BASP1: variants seen among roughly 807,000 people sequenced by gnomAD.
BASP1 encodes the protein brain abundant membrane attached signal protein 1.
Under a neutral mutation model 2.2 loss-of-function variants are expected in BASP1, and 1 was observed. The observed-to-expected ratio is 0.46, with a 90% CI of 0.16 to 2.17. The LOEUF is 2.17. Ranked by LOEUF, BASP1 falls within the 30% of genes most tolerant of loss-of-function variation. The pLI, the probability that BASP1 is intolerant of heterozygous loss-of-function variation, is 0.27. For missense variants in BASP1, 352 were observed against 327.2 expected (o/e 1.08, Z -0.58); for synonymous variants, 187 against 154.2 (o/e 1.21, Z -1.58).
At chr5:17,249,285 A>C (rs554372506) in intron 1 of BASP1, among the ~76,000 whole-genome samples, 1 of 152,242 alleles carries the variant, frequency 6.6e-6, no homozygotes, top group Admixed American at 6.5e-5. Context: ...TTCATCCAGA[A>C]GCAAATTTGG....
At chr5:17,235,442 T>G (rs1192630032) in intron 1 of BASP1, among the ~76,000 whole-genome samples, 1 of 151,950 alleles carries the variant, frequency 6.6e-6, no homozygotes, top group South Asian at 2.1e-4. Context: ...TTTTGTATTT[T>G]TAGTAGAGAC....
At chr5:17,270,618 A>G (rs975091868) in intron 1 of BASP1, among the ~76,000 whole-genome samples, 9 of 152,240 alleles carry the variant, frequency 5.9e-5, no homozygotes, top group African/African-American at 2.2e-4. Flanking sequence ...AAAAGATGTT[A>G]AATGTTCTTT....
At position 17,242,848 on chromosome 5, in the gene BASP1, TA is replaced by T. The variant is rs77385290; in HGVS notation, c.-10+25051del. Reference sequence around the variant, plus strand: ...TAGGAAAAAAAAAGTCAACTCAGTTTAAAAAAAAAAAAAGGTAATCGTAAGC... The same window carrying T: ...TAGGAAAAAAAAAGTCAACTCAGTTTAAAAAAAAAAAAGGTAATCGTAAGC... On this transcript the variant is annotated intron_variant, in intron 1 of 1. Coordinates refer to ENST00000322611, the MANE Select transcript of BASP1 (RefSeq NM_006317.5). Among the ~76,000 whole-genome samples, 1,351 of 143,058 alleles carry T rather than the reference TA, an allele frequency of 9.4e-3. 10 individuals are homozygous for T. The highest frequency in any genetic ancestry group is 0.057 in the East Asian group (286 of 4,978). The allele number at this position is 143,058 out of a possible 152,430, so 93.9% of individuals were successfully genotyped here. A position where few individuals can be genotyped will look rare whatever the true frequency, so the allele number is the denominator to read the frequency against.
intron 1 of BASP1, among the ~76,000 whole-genome samples, chr5:17,261,836 C>G (rs1461250688): frequency 6.6e-6 from 1 of 152,302 alleles, no homozygotes; most frequent in Non-Finnish European, 1.5e-5. Context: ...ACGTTTCTGC[C>G]GTTACCAACA....
intron 1 of BASP1, among the ~76,000 whole-genome samples, chr5:17,232,781 C>T (rs1019757190): frequency 6.6e-6 from 1 of 152,080 alleles, no homozygotes; most frequent in Admixed American, 6.6e-5. Flanking sequence ...ATTTACTCCC[C>T]CTCCTCTTCC....
chr5:17,248,269 G>A (rs1438833435), intron 1 of BASP1, among the ~76,000 whole-genome samples: 1 of 152,196 alleles, frequency 6.6e-6, no homozygotes. Flanking sequence ...CCAAATGTCC[G>A]TTATCTGGAG....
chr5:17,244,092 C>A (rs890403854), intron 1 of BASP1, among the ~76,000 whole-genome samples: 18 of 152,210 alleles, frequency 1.2e-4, no homozygotes, highest in African/African-American at 4.1e-4. Context: ...AGATTCTATA[C>A]ATGAACATAT....
chr5:17,275,550 G>A lies in BASP1; in HGVS notation c.334G>A (p.Gly112Ser), dbSNP rs1295590629. The A allele has an allele frequency of 3.6e-6, 5 of 1,398,860 alleles. No individual in the cohort carries two copies. In the African/African-American group the frequency reaches 4.6e-5, roughly 13 times the overall value. 86.7% of individuals were successfully genotyped at this position (1,398,860 alleles called of 1,614,324 possible). A position where few individuals can be genotyped will look rare whatever the true frequency, so the allele number is the denominator to read the frequency against. The change falls in exon 2 of 2, where the codon GGC becomes AGC. Residue 112 changes from glycine (G) to serine (S), a missense_variant. Gly to Ser is a moderately conservative substitution (Grantham distance 56). Coordinates refer to ENST00000322611, the MANE Select transcript of BASP1 (RefSeq NM_006317.5). The surrounding 1 kb of genome is among the most constrained non-coding windows in gnomAD (Gnocchi z 5.3). ...KAPEQEQAAP[G>S]PAAGGEAPKA... Reference sequence around the variant, plus strand: ...GCCCGAGCAGGAGCAGGCGGCCCCCGGCCCCGCTGCGGGCGGCGAGGCCCC... The same window carrying A: ...GCCCGAGCAGGAGCAGGCGGCCCCCAGCCCCGCTGCGGGCGGCGAGGCCCC...
intron 1 of BASP1, among the ~76,000 whole-genome samples, chr5:17,237,259 G>C (rs970305457): frequency 6.6e-6 from 1 of 152,104 alleles, no homozygotes; most frequent in Non-Finnish European, 1.5e-5. Flanking sequence ...CAGGAGAATG[G>C]CGTGAACCCG....
rs748864756 is a variant in BASP1 at position 17,275,661 on chromosome 5, A to C, written c.445A>C (p.Lys149Gln). 22 of 1,546,964 alleles carry C rather than the reference A, an allele frequency of 1.4e-5. No homozygotes were observed. In the East Asian group the frequency reaches 4.9e-4, roughly 34 times the overall value. ...GCCCAGCAAGGAGGAAGGGGAACCC[A>C]AAAAGACTGAGGCGCCCGCAGCTCC... ...EEPSKEEGEPKKTEAPAAPAA... is the reference protein window; with the variant it reads ...EEPSKEEGEPQKTEAPAAPAA... The change falls in exon 2 of 2, where the codon AAA (lysine) becomes CAA (glutamine). Residue 149 changes from lysine to glutamine, a missense_variant. Lys to Gln is a moderately conservative substitution (Grantham distance 53, BLOSUM62 1). Coordinates refer to ENST00000322611, the MANE Select transcript of BASP1 (RefSeq NM_006317.5). The surrounding 1 kb of genome is among the most constrained non-coding windows in gnomAD (Gnocchi z 5.3).
intron 1 of BASP1, among the ~76,000 whole-genome samples, chr5:17,228,906 C>CA (rs1739569991): frequency 1.3e-5 from 2 of 151,884 alleles, no homozygotes; most frequent in South Asian, 2.1e-4. Flanking sequence ...TGTAATGCTG[C>CA]AAAAAATGTT....
intron 1 of BASP1, among the ~76,000 whole-genome samples, chr5:17,224,458 GA>G (rs34239369): frequency 0.023 from 2,980 of 127,172 alleles, 123 homozygotes; most frequent in African/African-American, 0.082. Flanking sequence ...TTCAGGGGGG[GA>G]AAAAAGGGGA....
chr5:17,259,064 G>C (rs377541805), intron 1 of BASP1, among the ~76,000 whole-genome samples: 2 of 152,146 alleles, frequency 1.3e-5, no homozygotes, highest in Non-Finnish European at 2.9e-5. Context: ...AGATAAACCC[G>C]AGACTGGGCA....
At chr5:17,259,651 AT>A (rs1740277848) in intron 1 of BASP1, among the ~76,000 whole-genome samples, 1 of 152,190 alleles carries the variant, frequency 6.6e-6, no homozygotes, top group Non-Finnish European at 1.5e-5. Context: ...ATATGTAAGA[AT>A]TTTAGGTGGT....
chr5:17,256,545 T>C (rs913755661), intron 1 of BASP1, among the ~76,000 whole-genome samples: 6 of 152,230 alleles, frequency 3.9e-5, no homozygotes, highest in Non-Finnish European at 8.8e-5. Context: ...CTAAAAATTA[T>C]AGACATAAAG....
chr5:17,245,243 CGTGAGCTG>C (rs1739953475), intron 1 of BASP1, among the ~76,000 whole-genome samples: 1 of 147,726 alleles, frequency 6.8e-6, no homozygotes, highest in Non-Finnish European at 1.5e-5. Flanking sequence ...TGGAGGTTGC[CGTGAGCTG>C]AGCTCACACC....
At chr5:17,269,514 C>T (rs980306717) in intron 1 of BASP1, among the ~76,000 whole-genome samples, 2 of 152,314 alleles carry the variant, frequency 1.3e-5, no homozygotes, top group Non-Finnish European at 2.9e-5. Context: ...CTGATCAACT[C>T]ACAGTGCTCG....
chr5:17,240,795 A>G (rs1417712077), intron 1 of BASP1: 2 of 152,198 alleles, frequency 1.3e-5, no homozygotes, highest in Non-Finnish European at 2.9e-5. Flanking sequence ...CAGAACTGTG[A>G]GAAGTAAGTA....
intron 1 of BASP1, among the ~76,000 whole-genome samples, chr5:17,223,404 T>C (rs750290580): frequency 7.2e-5 from 11 of 152,216 alleles, no homozygotes; most frequent in Non-Finnish European, 1.3e-4. Context: ...TCAGTTTTCT[T>C]TACTGCATCC....
Sources: gnomAD v4.1 joint callset for allele counts (sites outside exome capture counted in the v4.1 genomes callset) on GRCh38, gnomAD v4.1.1 for gene constraint, Gnocchi (gnomAD v3.1) non-coding constraint, MANE v1.5 for transcripts, NCBI Gene and HGNC (gene_info 2026-07-23, HGNC 2026-07-21) for gene names.